The following GLB1L3 variants were observed in gnomAD, a reference collection of about 807,000 sequenced individuals.
GLB1L3 encodes the protein galactosidase beta 1 like 3, also known as beta-galactosidase-1-like protein 3.
GLB1L3 carries 89 observed loss-of-function variants against 89.5 expected under a neutral mutation model. The observed-to-expected ratio is 0.99, with a 90% CI of 0.84 to 1.19. The LOEUF is 1.19. GLB1L3 is among the 50% of genes most tolerant of loss of function. The pLI, the probability that GLB1L3 is intolerant of heterozygous loss-of-function variation, is 0.00. For missense variants in GLB1L3, 812 were observed against 813.3 expected (o/e 1.00, Z 0.02); for synonymous variants, 314 against 312.3 (o/e 1.01, Z -0.06).
chr11:134,308,600 TC>T (rs1942534212), intron 10 of GLB1L3, among the ~76,000 whole-genome samples: 2 of 77,338 alleles, frequency 2.6e-5, no homozygotes, highest in Admixed American at 1.4e-4. Context: ...CACCATCACC[TC>T]CACCACCACC....
intron 9 of GLB1L3, among the ~76,000 whole-genome samples, chr11:134,295,046 C>G (rs1167961683): frequency 6.6e-6 from 1 of 152,156 alleles, no homozygotes; most frequent in Non-Finnish European, 1.5e-5. Context: ...ATTTTTGCTT[C>G]CATGTTTATG....
downstream of GLB1L3, among the ~76,000 whole-genome samples, chr11:134,321,015 C>T (rs1943160876): frequency 6.6e-6 from 1 of 152,110 alleles, no homozygotes; most frequent in South Asian, 2.1e-4. Context: ...AAAAGATATG[C>T]CACGAGCAGA....
intron 14 of GLB1L3, 45 bp downstream of exon 14, chr11:134,312,534 T>A (rs1942785987): frequency 6.3e-7 from 1 of 1,599,272 alleles, no homozygotes; most frequent in African/African-American, 1.3e-5. Flanking sequence ...GTGCATCACC[T>A]CCCCATGCTG....
At chr11:134,295,523 G>C (rs1265467210) in intron 9 of GLB1L3, among the ~76,000 whole-genome samples, 1 of 152,156 alleles carries the variant, frequency 6.6e-6, no homozygotes, top group Admixed American at 6.5e-5. Context: ...AGTGTGGCTA[G>C]AAGTTTATAA....
chr11:134,311,067 C>T lies in GLB1L3; in HGVS notation c.1184C>T (p.Thr395Ile), dbSNP rs751172480. Residue 395 changes from threonine to isoleucine, a missense_variant, in exon 13 of 20, where the codon ACT becomes ATT. Coordinates refer to ENST00000431683, the MANE Select transcript of GLB1L3 (RefSeq NM_001080407.3). ...LQKLFQSVSA[T>I]PLPRVPKLPP... ...CTGTGCCCCATCTCCATTGCAGCAACTCCCCTGCCCCGAGTACCCAAACTT... is the reference window on the plus strand; with the variant it reads ...CTGTGCCCCATCTCCATTGCAGCAATTCCCCTGCCCCGAGTACCCAAACTT... 2.6e-5 allele frequency: 42 copies of T among 1,613,132 alleles called. No individual in the cohort carries two copies. Among genetic ancestry groups the T allele is most frequent in the South Asian group, 5.5e-5 (5 of 91,010 alleles).
intron 12 of GLB1L3, 71 bp downstream of exon 12, chr11:134,310,722 G>A: frequency 8.5e-7 from 1 of 1,181,106 alleles, no homozygotes; most frequent in Non-Finnish European, 1.2e-6. Flanking sequence ...GAAAAGTGAG[G>A]AAGGCGTGGG....
the GLB1L3 span, among the ~76,000 whole-genome samples, chr11:134,325,181 T>G: frequency 6.6e-6 from 1 of 152,202 alleles, no homozygotes; most frequent in Non-Finnish European, 1.5e-5. Flanking sequence ...CACTTTAACC[T>G]GCTGATAACA....
chr11:134,292,751 G>A (rs1346335682), intron 8 of GLB1L3: 3 of 339,856 alleles, frequency 8.8e-6, no homozygotes, highest in Non-Finnish European at 1.1e-5. Context: ...GTGAGCAGGG[G>A]AGCGGGGCGA....
intron 11 of GLB1L3, 97 bp from the exon 12 acceptor site, chr11:134,310,474 T>C: frequency 1.2e-6 from 1 of 834,946 alleles, no homozygotes; most frequent in Non-Finnish European, 2.0e-6. Context: ...TCCTTTTGTC[T>C]CACTCACGGT....
At chr11:134,316,238 AT>A (rs1942973955) in intron 18 of GLB1L3, among the ~76,000 whole-genome samples, 1 of 151,970 alleles carries the variant, frequency 6.6e-6, no homozygotes, top group South Asian at 2.1e-4. Flanking sequence ...ATAAGAATAA[AT>A]TTATTGTATT....
At chr11:134,284,317 G>A (rs950774375) in intron 6 of GLB1L3, among the ~76,000 whole-genome samples, 3 of 151,720 alleles carry the variant, frequency 2.0e-5, no homozygotes, top group Non-Finnish European at 2.9e-5. Context: ...TTATACACAC[G>A]TGTCTATGCC....
chr11:134,294,074 T>G (rs1316407715), intron 9 of GLB1L3, among the ~76,000 whole-genome samples: 1 of 150,472 alleles, frequency 6.6e-6, no homozygotes, highest in East Asian at 1.9e-4. Flanking sequence ...ATCAATTTCT[T>G]TTTTTTTTTG....
At chr11:134,298,669 T>A (rs1183006064) in intron 9 of GLB1L3, among the ~76,000 whole-genome samples, 2 of 152,220 alleles carry the variant, frequency 1.3e-5, no homozygotes, top group Admixed American at 1.3e-4. Flanking sequence ...CTTTTTCATT[T>A]TCTCTTGCTG....
intron 7 of GLB1L3, among the ~76,000 whole-genome samples, chr11:134,289,615 C>T (rs571132646): frequency 1.2e-4 from 19 of 152,302 alleles, no homozygotes; most frequent in Admixed American, 8.5e-4. Context: ...CTATGACCCA[C>T]GACTCTCATT....
intron 9 of GLB1L3, chr11:134,305,023 CATA>C (rs775602153): frequency 1.5e-5 from 21 of 1,414,288 alleles, no homozygotes; most frequent in Non-Finnish European, 1.9e-5. Flanking sequence ...ATCTTAGTGG[CATA>C]ATAACAATGT....
At chr11:134,323,337 G>A (rs1367610501), downstream of GLB1L3, among the ~76,000 whole-genome samples, 1 of 151,932 alleles carries the variant, frequency 6.6e-6, no homozygotes, top group African/African-American at 2.4e-5. Context: ...CCTGGCCAAC[G>A]TGGTGAAACC....
In GLB1L3 at chr11:134,276,593, C is replaced by T. The variant is rs1940380835; in HGVS notation, c.-148C>T. ...CGGACCCGGCGCCCGCGCCTCGGGA[C>T]GGATTTCTGCCTCGGCTGCAGGCGC... On this transcript the variant is annotated 5_prime_UTR_variant, in exon 1 of 20. In the 5' UTR this introduces an upstream ATG that the reference lacks. Transcript: ENST00000431683. The T allele has an allele frequency of 2.9e-6, 2 of 701,610 alleles. No homozygotes were observed. The highest frequency in any genetic ancestry group is 3.7e-5 in the African/African-American group (2 of 53,630). 43.5% of individuals were successfully genotyped at this position (701,610 alleles called of 1,614,324 possible). A position where few individuals can be genotyped will look rare whatever the true frequency, so the allele number is the denominator to read the frequency against.
At position 134,319,282 on chromosome 11, in the gene GLB1L3, T is replaced by TC. The variant is rs1160982632; in HGVS notation, c.*341dup. 4.5e-6 allele frequency: 1 copy of TC among 223,250 alleles called. No individual in the cohort carries two copies. The highest frequency in any genetic ancestry group is 8.9e-6 in the Non-Finnish European group (1 of 112,552). The allele number at this position is 223,250 out of a possible 1,614,324, so 13.8% of individuals were successfully genotyped here. A position where few individuals can be genotyped will look rare whatever the true frequency, so the allele number is the denominator to read the frequency against. On this transcript the variant is annotated 3_prime_UTR_variant, in exon 20 of 20. Coordinates refer to ENST00000431683, the MANE Select transcript of GLB1L3 (RefSeq NM_001080407.3). Reference sequence around the variant, plus strand: ...AACATATTTTTTGGGTTGCTGGAGTTCATCTATAAGTCATTTTTGAGGAAT... The same window carrying TC: ...AACATATTTTTTGGGTTGCTGGAGTTCCATCTATAAGTCATTTTTGAGGAAT...
chr11:134,284,409 A>G (rs1386659038), intron 6 of GLB1L3, among the ~76,000 whole-genome samples: 1 of 151,882 alleles, frequency 6.6e-6, no homozygotes, highest in Non-Finnish European at 1.5e-5. Flanking sequence ...ACTGTTCCCT[A>G]GTAGGGATGT....
Sources: allele counts gnomAD v4.1 joint callset (sites outside exome capture counted in the v4.1 genomes callset), GRCh38; gene constraint gnomAD v4.1.1; transcripts MANE v1.5; gene names NCBI Gene and HGNC (gene_info 2026-07-23, HGNC 2026-07-21).